The following LIMCH1 variants were observed in gnomAD, a reference collection of about 807,000 sequenced individuals.
LIMCH1 encodes the protein LIM and calponin homology domains-containing protein 1.
A neutral mutation model predicts 176.5 loss-of-function variants in LIMCH1; 113 were observed. That is an observed-to-expected ratio of 0.64 (90% confidence interval 0.55 to 0.75). LIMCH1 has a LOEUF of 0.75. Ranked by LOEUF, LIMCH1 falls within the 30% of genes least tolerant of loss-of-function variation. The probability of loss-of-function intolerance (pLI) is 0.00; values close to 1 mark genes in which losing one functional copy is unlikely to be tolerated. For missense variants in LIMCH1, 1,674 were observed against 1,814.9 expected, an observed-to-expected ratio of 0.92 and a Z score of 1.41; for synonymous variants, 619 against 645.9, an observed-to-expected ratio of 0.96 and a Z score of 0.63.
chr4:41,389,458 G>T, intron 1 of LIMCH1: 1 of 202,132 alleles, frequency 4.9e-6, no homozygotes, highest in Admixed American at 4.4e-5. Context: ...CTGATCTTTA[G>T]CCAGAGAACT....
At chr4:41,599,121 G>A (rs1047493209) in intron 2 of LIMCH1, 95 bp downstream of exon 2, 1 of 688,240 alleles carries the variant, frequency 1.5e-6, no homozygotes. Flanking sequence ...ACAGAGAATT[G>A]GTTATGCTTA....
chr4:41,362,760 T>A (rs1412168563), intron 1 of LIMCH1, among the ~76,000 whole-genome samples: 2 of 152,198 alleles, frequency 1.3e-5, no homozygotes, highest in African/African-American at 2.4e-5. Flanking sequence ...TTGGCCCAGA[T>A]TACAGTTTGC....
rs769494868 is a variant in LIMCH1 at position 41,539,340 on chromosome 4, C to T, written c.-241+990C>T. Among the ~76,000 whole-genome samples, 4 of 152,232 alleles carry T rather than the reference C, an allele frequency of 2.6e-5. No homozygotes were observed. In the South Asian group the frequency reaches 8.3e-4, roughly 32 times the overall value. On this transcript the variant is annotated intron_variant, in intron 1 of 31. Transcript: ENST00000503057. ...CCCGGGAGAAGGGGTTTGTCCTGTG[C>T]TGCGCGGGTGGGTTCCGCACAAGGT...
At chr4:41,472,454 C>T (rs561807224) in intron 1 of LIMCH1, among the ~76,000 whole-genome samples, 3 of 151,942 alleles carry the variant, frequency 2.0e-5, no homozygotes, top group African/African-American at 7.2e-5. Context: ...GGGTCTCACT[C>T]TGTCACCCTG....
intron 1 of LIMCH1, among the ~76,000 whole-genome samples, chr4:41,574,380 A>G (rs28549137): frequency 0.34 from 49,557 of 147,010 alleles, 13,189 homozygotes; most frequent in African/African-American, 0.75. Flanking sequence ...TGCAAGCTCC[A>G]CCTCCCGGGT....
At chr4:41,641,799 G>C (rs1297826268) in intron 14 of LIMCH1, among the ~76,000 whole-genome samples, 2 of 152,160 alleles carry the variant, frequency 1.3e-5, no homozygotes, top group African/African-American at 2.4e-5. Flanking sequence ...TTGGAGTTTG[G>C]AGCATTTCAG....
intron 4 of LIMCH1, among the ~76,000 whole-genome samples, chr4:41,607,168 C>T (rs2152775180): frequency 6.6e-6 from 1 of 152,308 alleles, no homozygotes; most frequent in African/African-American, 2.4e-5. Context: ...CCTCATTTCT[C>T]TAGTATGCAA....
chr4:41,421,101 G>T (rs561620419), intron 1 of LIMCH1, among the ~76,000 whole-genome samples: 35 of 152,134 alleles, frequency 2.3e-4, no homozygotes, highest in Non-Finnish European at 4.4e-4. Context: ...CTGGTTAAGG[G>T]GTATTGATAT....
intron 1 of LIMCH1, among the ~76,000 whole-genome samples, chr4:41,432,890 G>A (rs551157787): frequency 2.3e-4 from 35 of 152,186 alleles, no homozygotes; most frequent in Admixed American, 1.2e-3. Flanking sequence ...CTAGTTTCAC[G>A]GTCCTTTTGA....
Position 41,605,933 on chromosome 4 carries a change from A to G in LIMCH1, c.-63A>G. On this transcript the variant is annotated 5_prime_UTR_variant, in exon 4 of 32. Coordinates refer to ENST00000503057, the MANE Select transcript of LIMCH1 (RefSeq NM_001330672.2). ...TTACTGGCTGGGAAAAGCAGCAAAC[A>G]GCTGCACATCCTACAGCGGAACGAC... The G allele has an allele frequency of 6.2e-7, 1 of 1,613,774 alleles. No individual in the cohort carries two copies. Among genetic ancestry groups the G allele is most frequent in the Non-Finnish European group, 8.5e-7 (1 of 1,179,740 alleles).
rs1445801876 is a variant in LIMCH1 at position 41,670,591 on chromosome 4, T to C, written c.3398-963T>C. 1.3e-5 allele frequency: 8 copies of C among 602,352 alleles called. No homozygotes were observed. The East Asian group carries it at 2.3e-4, about 18-fold the overall frequency. The allele number at this position is 602,352 out of a possible 1,614,324, so 37.3% of individuals were successfully genotyped here. ...TATTAAGACATTTTGTACTGTAGAT[T>C]TACTGACTCTCAATTCTGGTATTGA... is the stretch of plus-strand genomic sequence containing the variant. On this transcript the variant is annotated intron_variant, in intron 21 of 31. Transcript: ENST00000503057.
At chr4:41,535,845 A>G (rs1158820105), upstream of LIMCH1, among the ~76,000 whole-genome samples, 3 of 152,188 alleles carry the variant, frequency 2.0e-5, no homozygotes, top group Non-Finnish European at 4.4e-5. Flanking sequence ...GGAAGGTTAT[A>G]TATAGCAGTG....
intron 1 of LIMCH1, among the ~76,000 whole-genome samples, chr4:41,460,458 C>CTATATATATATCTATATATATA (rs2065175664): frequency 9.0e-6 from 1 of 110,546 alleles, no homozygotes; most frequent in East Asian, 2.4e-4. Flanking sequence ...TAGTAATCAT[C>CTATATATATATCTATATATATA]TATATATATA....
At chr4:41,661,368 A>G (rs1251650667) in intron 18 of LIMCH1, 52 bp from the exon 19 acceptor site, 9 of 1,302,958 alleles carry the variant, frequency 6.9e-6, no homozygotes, top group Non-Finnish European at 9.8e-6. Context: ...AATAATTTTT[A>G]GAACTTTTAA....
In LIMCH1 at chr4:41,376,265, A is replaced by G. The variant is rs143266242; in HGVS notation, c.96+15329A>G. Among the ~76,000 whole-genome samples, 5 of 152,318 alleles carry G rather than the reference A, an allele frequency of 3.3e-5. No homozygotes were observed. The East Asian group carries it at 9.6e-4, about 29-fold the overall frequency. ...TGGTGTCAAGTTACCCACCCAGAAT[A>G]GTTGTTCAATCTCTGCCACTGTTTG... On this transcript the variant is annotated intron_variant, in intron 1 of 26. Coordinates refer to the LIMCH1 transcript ENST00000313860.
intron 13 of LIMCH1, among the ~76,000 whole-genome samples, 158 bp downstream of exon 13, chr4:41,633,966 T>C (rs2093456140): frequency 6.6e-6 from 1 of 152,248 alleles, no homozygotes; most frequent in Non-Finnish European, 1.5e-5. Flanking sequence ...ATTTTTCCTC[T>C]TTTTACATGT....
At chr4:41,681,877 CA>C (rs1265911800) in intron 25 of LIMCH1, among the ~76,000 whole-genome samples, 2 of 151,974 alleles carry the variant, frequency 1.3e-5, no homozygotes, top group Non-Finnish European at 2.9e-5. Flanking sequence ...TAAAAACAAA[CA>C]AAAATCCACA....
chr4:41,694,229 T>C (rs547481387), intron 31 of LIMCH1, among the ~76,000 whole-genome samples: 2 of 152,292 alleles, frequency 1.3e-5, no homozygotes, highest in East Asian at 3.9e-4. Flanking sequence ...TCTGCTTCTA[T>C]AGACATTCAA....
At chr4:41,501,381 A>T (rs112930517) in intron 2 of LIMCH1, among the ~76,000 whole-genome samples, 61 of 152,320 alleles carry the variant, frequency 4.0e-4, no homozygotes, top group African/African-American at 1.2e-3. Flanking sequence ...TGTATGAAAG[A>T]CATATTTCTA....
Sources: allele counts gnomAD v4.1 joint callset (sites outside exome capture counted in the v4.1 genomes callset), GRCh38; gene constraint gnomAD v4.1.1; transcripts MANE v1.5; gene names NCBI Gene and HGNC (gene_info 2026-07-23, HGNC 2026-07-21).